The following SORCS3 variants were observed in gnomAD, a reference collection of about 807,000 sequenced individuals.
SORCS3 encodes the protein VPS10 domain-containing receptor SorCS3.
A neutral mutation model predicts 146.3 loss-of-function variants in SORCS3; 57 were observed. The observed-to-expected ratio is 0.39, with a 90% CI of 0.31 to 0.49. SORCS3 has a LOEUF of 0.49. SORCS3 is among the 20% of genes least tolerant of loss of function. The probability of loss-of-function intolerance (pLI) is 0.92; values close to 1 mark genes in which losing one functional copy is unlikely to be tolerated. For synonymous variants in SORCS3, 653 were observed against 618.5 expected (o/e 1.06, Z -0.83); for missense variants, 1,341 against 1,575.5 (o/e 0.85, Z 2.52).
At chr10:105,152,948 T>G (rs1201498579) in intron 9 of SORCS3, among the ~76,000 whole-genome samples, 1 of 151,964 alleles carries the variant, frequency 6.6e-6, no homozygotes, top group Non-Finnish European at 1.5e-5. Context: ...AATTTTTTTT[T>G]GCATTTTTAT....
chr10:104,829,126 G>A (rs930452937), intron 1 of SORCS3, among the ~76,000 whole-genome samples: 3 of 152,126 alleles, frequency 2.0e-5, no homozygotes, highest in African/African-American at 7.2e-5. Flanking sequence ...TTATATCTCT[G>A]TTGATTAATA....
chr10:104,981,051 A>G (rs563560530), intron 4 of SORCS3, among the ~76,000 whole-genome samples: 2 of 152,214 alleles, frequency 1.3e-5, no homozygotes, highest in East Asian at 3.9e-4. Flanking sequence ...GGGCAGATGT[A>G]CCTTCCATTT....
intron 2 of SORCS3, among the ~76,000 whole-genome samples, chr10:104,867,031 A>G (rs1032520121): frequency 6.6e-6 from 1 of 152,152 alleles, no homozygotes; most frequent in African/African-American, 2.4e-5. Context: ...ACACCACGTG[A>G]GGAACTAGGG....
chr10:104,720,455 A>G (rs777815302), intron 1 of SORCS3, among the ~76,000 whole-genome samples: 7 of 152,182 alleles, frequency 4.6e-5, no homozygotes, highest in Non-Finnish European at 8.8e-5. Context: ...ATGTGTCTTT[A>G]TAGAAGCATG....
intron 1 of SORCS3, among the ~76,000 whole-genome samples, chr10:104,789,246 G>A (rs1275077620): frequency 6.6e-6 from 1 of 152,150 alleles, no homozygotes; most frequent in Non-Finnish European, 1.5e-5. Flanking sequence ...TTTCCAAGAG[G>A]TCCTGTCCTC....
At chr10:104,699,660 G>C (rs1048983610) in intron 1 of SORCS3, among the ~76,000 whole-genome samples, 3 of 152,084 alleles carry the variant, frequency 2.0e-5, no homozygotes, top group Non-Finnish European at 4.4e-5. Context: ...TGAAGAGCCG[G>C]GTCCTTGTGG....
At chr10:104,685,640 A>G (rs1477360804) in intron 1 of SORCS3, among the ~76,000 whole-genome samples, 1 of 152,092 alleles carries the variant, frequency 6.6e-6, no homozygotes, top group East Asian at 1.9e-4. Context: ...CACCTTCCCC[A>G]TCTTTAAGCC....
chr10:105,244,814 A>G (rs1258743053), intron 20 of SORCS3, among the ~76,000 whole-genome samples: 2 of 152,090 alleles, frequency 1.3e-5, no homozygotes, highest in African/African-American at 2.4e-5. Context: ...CACGCCTGTA[A>G]TCCTAGCACT....
chr10:104,818,745 A>G (rs1217896748), intron 1 of SORCS3, among the ~76,000 whole-genome samples: 1 of 152,014 alleles, frequency 6.6e-6, no homozygotes, highest in East Asian at 1.9e-4. Flanking sequence ...TCTGATTATT[A>G]TCAACCTACC....
chr10:105,042,471 G>C (rs1670008), intron 4 of SORCS3, among the ~76,000 whole-genome samples: 67,074 of 151,886 alleles, frequency 0.44, 17,313 homozygotes, highest in East Asian at 0.7. Context: ...AATACTCCTA[G>C]TTAGTCACTT....
intron 11 of SORCS3, among the ~76,000 whole-genome samples, chr10:105,160,338 G>C (rs925237119): frequency 1.3e-5 from 2 of 152,152 alleles, no homozygotes; most frequent in African/African-American, 4.8e-5. Flanking sequence ...AAAATGCTTA[G>C]AACAATGGCC....
intron 1 of SORCS3, among the ~76,000 whole-genome samples, chr10:104,739,047 A>C (rs570226166): frequency 1.3e-5 from 2 of 152,160 alleles, no homozygotes; most frequent in African/African-American, 2.4e-5. Context: ...ATTAGAAAAC[A>C]CAAGGAAGCC....
intron 1 of SORCS3, among the ~76,000 whole-genome samples, chr10:104,719,947 T>G (rs1194408197): frequency 6.6e-6 from 1 of 152,050 alleles, no homozygotes; most frequent in Non-Finnish European, 1.5e-5. Flanking sequence ...AGAAAGCTAA[T>G]TAGAAAGCCA....
chr10:105,138,078 T>G (rs1449375376), intron 7 of SORCS3, among the ~76,000 whole-genome samples: 1 of 151,974 alleles, frequency 6.6e-6, no homozygotes, highest in Admixed American at 6.6e-5. Context: ...AATAAAAAAG[T>G]TTTAAAGTCC....
chr10:105,042,170 C>G (rs766014346), intron 4 of SORCS3, among the ~76,000 whole-genome samples: 1 of 152,126 alleles, frequency 6.6e-6, no homozygotes, highest in Admixed American at 6.5e-5. Flanking sequence ...TAGAGACATG[C>G]CAACCAGCAA....
At chr10:104,776,189 GT>G (rs934645577) in intron 1 of SORCS3, among the ~76,000 whole-genome samples, 7 of 152,178 alleles carry the variant, frequency 4.6e-5, no homozygotes, top group Admixed American at 2.6e-4. Flanking sequence ...GGAACATGTG[GT>G]TGTATGAAGA....
At chr10:105,004,585 T>C (rs1264209973) in intron 4 of SORCS3, among the ~76,000 whole-genome samples, 1 of 152,164 alleles carries the variant, frequency 6.6e-6, no homozygotes, top group Non-Finnish European at 1.5e-5. Context: ...TCTTCTTAAC[T>C]ACCAGATCCC....
At chr10:105,101,113 A>G (rs1235813802) in intron 6 of SORCS3, among the ~76,000 whole-genome samples, 1 of 152,230 alleles carries the variant, frequency 6.6e-6, no homozygotes, top group Non-Finnish European at 1.5e-5. Flanking sequence ...ACAAATAAGA[A>G]GGCCACACTT....
rs1488472874 is a variant in SORCS3 at position 105,200,197 on chromosome 10, C to T, written c.2127+81C>T. The T allele has an allele frequency of 6.5e-6, 7 of 1,084,586 alleles. No homozygotes were observed. In the South Asian group the frequency reaches 8.4e-5, roughly 13 times the overall value. The allele number at this position is 1,084,586 out of a possible 1,614,324, so 67.2% of individuals were successfully genotyped here. A position where few individuals can be genotyped will look rare whatever the true frequency, so the allele number is the denominator to read the frequency against. On this transcript the variant is annotated intron_variant, in intron 15 of 26. Coordinates refer to ENST00000369701, the MANE Select transcript of SORCS3 (RefSeq NM_014978.3). ...TCCGACTGGGTCTTATCTGAGCCTT[C>T]CTATTTAGGGGAGGAAGGTAGTGGG...
Sources: allele counts gnomAD v4.1 joint callset (sites outside exome capture counted in the v4.1 genomes callset), GRCh38; gene constraint gnomAD v4.1.1; transcripts MANE v1.5; gene names NCBI Gene and HGNC (gene_info 2026-07-23, HGNC 2026-07-21).